Variants in HFM1 observed in about 807,000 individuals in gnomAD.
The protein encoded by HFM1 is probable ATP-dependent DNA helicase HFM1.
A neutral mutation model predicts 192.1 loss-of-function variants in HFM1; 169 were observed. The ratio of observed to expected loss-of-function variants is 0.88; its 90% confidence interval spans 0.78 to 1.00. The LOEUF (loss-of-function observed/expected upper bound fraction) is 1.00. Among genes scored for constraint, HFM1 ranks in the 50% least tolerant of loss-of-function variants. The pLI is 0.00. For synonymous variants in HFM1, 525 were observed against 537.8 expected (o/e 0.98, Z 0.33); for missense variants, 1,661 against 1,668.0 (o/e 1.00, Z 0.07).
intron 13 of HFM1, among the ~76,000 whole-genome samples, chr1:91,356,754 G>A (rs1397816863): frequency 2.6e-5 from 4 of 151,238 alleles, no homozygotes; most frequent in African/African-American, 9.7e-5. Context: ...AATAAAAAAT[G>A]AAACTGGAGA....
chr1:91,319,377 G>T lies in HFM1; in HGVS notation c.2596C>A (p.Gln866Lys), dbSNP rs777781068. Residue 866 changes from glutamine to lysine, a missense_variant, in exon 24 of 39, where the codon CAA becomes AAA. Gln to Lys is a moderately conservative substitution (Grantham distance 53, BLOSUM62 1). Coordinates refer to ENST00000370425, the MANE Select transcript of HFM1 (RefSeq NM_001017975.6). ...TCTTGTATGGGAATGCATCCTAGTTGAGCCTGAATAAGACTGGGGGAAAGA... is the reference window on the plus strand; with the variant it reads ...TCTTGTATGGGAATGCATCCTAGTTTAGCCTGAATAAGACTGGGGGAAAGA... ...EMKVNCLIQA[Q>K]LGCIPIQDFA... The T allele has an allele frequency of 6.2e-6, 10 of 1,610,412 alleles. No individual in the cohort carries two copies. The Admixed American group carries it at 1.3e-4, about 21-fold the overall frequency.
intron 36 of HFM1, among the ~76,000 whole-genome samples, chr1:91,263,378 T>G (rs188721589): frequency 6.6e-6 from 1 of 152,212 alleles, no homozygotes; most frequent in African/African-American, 2.4e-5. Context: ...ACTGATAGAA[T>G]TGGATCGTTT....
chr1:91,291,167 C>G (rs971126678), intron 30 of HFM1, among the ~76,000 whole-genome samples: 1 of 152,100 alleles, frequency 6.6e-6, no homozygotes, highest in Non-Finnish European at 1.5e-5. Context: ...CAAACACATT[C>G]AAAAGCTAGC....
chr1:91,337,266 C>T (rs1301623072), intron 20 of HFM1, among the ~76,000 whole-genome samples: 1 of 152,158 alleles, frequency 6.6e-6, no homozygotes, highest in Non-Finnish European at 1.5e-5. Flanking sequence ...GCCCTTCTCT[C>T]AGTACACATT....
intron 8 of HFM1, among the ~76,000 whole-genome samples, chr1:91,379,849 T>C (rs1237368028): frequency 1.3e-5 from 2 of 152,168 alleles, no homozygotes; most frequent in African/African-American, 4.8e-5. Flanking sequence ...ACAAAATATT[T>C]GATTTTATTT....
At chr1:91,375,468 T>A (rs1029913762) in intron 12 of HFM1, 22 bp from the exon 13 acceptor site, 1 of 1,611,494 alleles carries the variant, frequency 6.2e-7, no homozygotes, top group African/African-American at 1.3e-5. Flanking sequence ...TTCATAACGT[T>A]TGTATTAATC....
intron 30 of HFM1, among the ~76,000 whole-genome samples, chr1:91,279,613 A>G (rs1302383787): frequency 6.6e-6 from 1 of 152,202 alleles, no homozygotes; most frequent in African/African-American, 2.4e-5. Context: ...CCCTACATCC[A>G]TCAAAACACA....
intron 1 of HFM1, among the ~76,000 whole-genome samples, chr1:91,402,256 G>A (rs1384683709): frequency 2.6e-5 from 4 of 152,128 alleles, no homozygotes; most frequent in African/African-American, 9.7e-5. Context: ...ATATGGGGAA[G>A]GGAGAATGTT....
chr1:91,311,799 T>C (rs1650498885), intron 30 of HFM1, among the ~76,000 whole-genome samples: 1 of 152,194 alleles, frequency 6.6e-6, no homozygotes, highest in Non-Finnish European at 1.5e-5. Context: ...CACAGATGTT[T>C]ACGGCAGCCC....
chr1:91,283,537 G>A (rs567744590), intron 30 of HFM1, among the ~76,000 whole-genome samples: 38 of 152,288 alleles, frequency 2.5e-4, no homozygotes, highest in African/African-American at 8.7e-4. Flanking sequence ...ACAGGTGTGA[G>A]TCACTGTGCC....
intron 13 of HFM1, among the ~76,000 whole-genome samples, chr1:91,366,689 C>G (rs1280045530): frequency 6.6e-6 from 1 of 152,202 alleles, no homozygotes; most frequent in Admixed American, 6.5e-5. Flanking sequence ...CACCTCCCAG[C>G]GTGAGCAATG....
Position 91,273,769 on chromosome 1 carries a change from C to T in HFM1, c.3715G>A (p.Asp1239Asn). ...ISELPIMEQW[D>N]QPEIYGKVRQ... ...ACTTTTCCATAGATTTCAGGCTGAT[C>T]CCACTGCTCCATTATAGGCAATTCA... Residue 1239 changes from aspartate to asparagine, a missense_variant, in exon 34 of 39, where the codon GAT becomes AAT. Physicochemically the swap from Asp to Asn is conservative, Grantham distance 23 (BLOSUM62 1). Coordinates refer to ENST00000370425, the MANE Select transcript of HFM1 (RefSeq NM_001017975.6). 1 of 1,602,600 alleles carries T rather than the reference C, an allele frequency of 6.2e-7. No homozygotes were observed. The highest frequency in any genetic ancestry group is 8.5e-7 in the Non-Finnish European group (1 of 1,170,894).
rs544935649 is a variant in HFM1, at chr1:91,282,293, A to G, written c.3392-5231T>C. 5.3e-5 allele frequency among the ~76,000 whole-genome samples: 8 copies of G among 152,070 alleles called. No individual in the cohort carries two copies. In the South Asian group the frequency reaches 8.3e-4, roughly 16 times the overall value. On this transcript the variant is annotated intron_variant, in intron 30 of 38. Coordinates refer to ENST00000370425, the MANE Select transcript of HFM1 (RefSeq NM_001017975.6). ...GAGACCTCCGGTTTTCCTTCCAAACATAATTTTTGCTTCTCTGTGCTTGCT... is the reference window on the plus strand; with the variant it reads ...GAGACCTCCGGTTTTCCTTCCAAACGTAATTTTTGCTTCTCTGTGCTTGCT...
At chr1:91,337,313 C>T (rs1018210789) in intron 20 of HFM1, among the ~76,000 whole-genome samples, 1 of 152,062 alleles carries the variant, frequency 6.6e-6, no homozygotes, top group African/African-American at 2.4e-5. Context: ...TGCAAACATA[C>T]AGATGAAAAT....
upstream of HFM1, among the ~76,000 whole-genome samples, chr1:91,406,960 CCAAGA>C (rs1291775459): frequency 6.6e-6 from 1 of 152,186 alleles, no homozygotes; most frequent in Non-Finnish European, 1.5e-5. Flanking sequence ...ACAGCTGCAG[CCAAGA>C]ATACAGAGCT....
At chr1:91,385,119 TAAAC>T in intron 6 of HFM1, 64 bp downstream of exon 6, 4 of 951,920 alleles carry the variant, frequency 4.2e-6, no homozygotes, top group East Asian at 5.0e-5. Context: ...CAAACACAAT[TAAAC>T]AAATGTTTTA....
At chr1:91,374,502 A>G (rs991342744) in intron 13 of HFM1, among the ~76,000 whole-genome samples, 2 of 152,318 alleles carry the variant, frequency 1.3e-5, no homozygotes, top group East Asian at 3.9e-4. Context: ...TGATGGAGAC[A>G]AAATGACATA....
At chr1:91,279,914 A>G (rs1667307217) in intron 30 of HFM1, among the ~76,000 whole-genome samples, 1 of 152,194 alleles carries the variant, frequency 6.6e-6, no homozygotes, top group Admixed American at 6.5e-5. Flanking sequence ...ACACTAAAAT[A>G]GAAAAAAAAT....
At chr1:91,306,950 C>G (rs1649693512) in intron 30 of HFM1, among the ~76,000 whole-genome samples, 1 of 152,112 alleles carries the variant, frequency 6.6e-6, no homozygotes, top group South Asian at 2.1e-4. Flanking sequence ...TTAACCCAAA[C>G]TATGTCAAAT....
Sources: allele counts gnomAD v4.1 joint callset (sites outside exome capture counted in the v4.1 genomes callset), GRCh38; gene constraint gnomAD v4.1.1; transcripts MANE v1.5; gene names NCBI Gene and HGNC (gene_info 2026-07-23, HGNC 2026-07-21).